Variants in SLC44A2 observed in about 807,000 individuals in gnomAD.
SLC44A2 encodes the protein solute carrier family 44 member 2 (CTL2 blood group).
Under a neutral mutation model 90.8 loss-of-function variants are expected in SLC44A2, and 57 were observed. The observed-to-expected ratio is 0.63, with a 90% CI of 0.51 to 0.78. SLC44A2 has a LOEUF of 0.78. Among genes scored for constraint, SLC44A2 ranks in the 30% least tolerant of loss-of-function variants. SLC44A2 has a pLI of 0.00. For synonymous variants in SLC44A2, 355 were observed against 360.7 expected, an observed-to-expected ratio of 0.98 and a Z score of 0.18; for missense variants, 794 against 919.7, an observed-to-expected ratio of 0.86 and a Z score of 1.77.
chr19:10,610,733 G>A (rs1329193404), intron 1 of SLC44A2, among the ~76,000 whole-genome samples: 1 of 140,180 alleles, frequency 7.1e-6, no homozygotes, highest in East Asian at 2.2e-4. Context: ...TTTGCCTCCC[G>A]GGTTCAAGTG....
chr19:10,631,347 T>C lies in SLC44A2; in HGVS notation c.403T>C (p.Tyr135His), dbSNP rs1192528269. The C allele has an allele frequency of 6.2e-6, 10 of 1,614,190 alleles. No homozygotes were observed. Among genetic ancestry groups the C allele is most frequent in the Middle Eastern group, 3.3e-4 (2 of 6,062 alleles). ...TCGCAGCTCCCGGGACTTTGAGTAC[T>C]ATAAGCAGTTCTGTGTTCCTGGCTT... ...NARSSRDFEYYKQFCVPGFKN... is the reference protein window; with the variant it reads ...NARSSRDFEYHKQFCVPGFKN... Residue 135 changes from tyrosine to histidine, a missense_variant, in exon 6 of 22, where the codon TAT (tyrosine) becomes CAT (histidine). By Grantham distance (83) the Tyr-to-His change is moderately conservative. Around this residue, in one of 3 missense-constraint regions of SLC44A2, gnomAD observed 738 missense variants for 841.1 expected, o/e 0.88. Coordinates refer to ENST00000335757, the MANE Select transcript of SLC44A2 (RefSeq NM_020428.4).
At chr19:10,604,623 G>A (rs1295986148) in intron 1 of SLC44A2, among the ~76,000 whole-genome samples, 1 of 152,078 alleles carries the variant, frequency 6.6e-6, no homozygotes, top group East Asian at 1.9e-4. Context: ...TCCTGGCTCT[G>A]ACACTTAGGA....
upstream of SLC44A2, among the ~76,000 whole-genome samples, chr19:10,621,660 C>T (rs529502424): frequency 1.3e-5 from 2 of 151,994 alleles, no homozygotes; most frequent in East Asian, 3.9e-4. Context: ...CTCTTGTTGC[C>T]CAGACTGGAG....
chr19:10,625,373 C>A, upstream of SLC44A2: 1 of 936,778 alleles, frequency 1.1e-6, no homozygotes. Context: ...GCAGGGTTCC[C>A]GGGTGGGGGC....
chr19:10,623,329 G>C (rs2066905806), upstream of SLC44A2, among the ~76,000 whole-genome samples: 1 of 152,050 alleles, frequency 6.6e-6, no homozygotes, highest in Non-Finnish European at 1.5e-5. Flanking sequence ...GATAAGTTGA[G>C]TTAGTGACCA....
chr19:10,603,218 T>A (rs545126200), intron 1 of SLC44A2, among the ~76,000 whole-genome samples: 1 of 152,182 alleles, frequency 6.6e-6, no homozygotes, highest in Non-Finnish European at 1.5e-5. Flanking sequence ...GGCGAACCTC[T>A]TGGGGCGACC....
chr19:10,642,688 C>T (rs1002663031), intron 21 of SLC44A2, among the ~76,000 whole-genome samples: 9 of 152,168 alleles, frequency 5.9e-5, no homozygotes, highest in East Asian at 1.9e-4. Context: ...GGAGCCCGCC[C>T]GCGCTTCGCA....
At chr19:10,618,852 G>C (rs1322005737) in intron 1 of SLC44A2, among the ~76,000 whole-genome samples, 1 of 151,882 alleles carries the variant, frequency 6.6e-6, no homozygotes, top group East Asian at 1.9e-4. Context: ...AGGATTACAG[G>C]CATGAGCCAC....
chr19:10,602,640 C>A, intron 1 of SLC44A2: 1 of 1,198,982 alleles, frequency 8.3e-7, no homozygotes, highest in Non-Finnish European at 1.0e-6. Flanking sequence ...ACATCTGAGA[C>A]CCTAGGCACC....
chr19:10,614,893 C>G lies in SLC44A2; in HGVS notation c.32-11360C>G, dbSNP rs1459803312. On this transcript the variant is annotated intron_variant, in intron 1 of 21. Transcript: ENST00000407327. Reference sequence around the variant, plus strand: ...GGCTGAGGCAGGAGAATCTCTTGAACCCGGGAGGTAGAGGTCACAGTGAGC... The same window carrying G: ...GGCTGAGGCAGGAGAATCTCTTGAAGCCGGGAGGTAGAGGTCACAGTGAGC... 2.0e-5 allele frequency among the ~76,000 whole-genome samples: 3 copies of G among 150,614 alleles called. No individual in the cohort carries two copies. The East Asian group carries it at 5.9e-4, about 29-fold the overall frequency.
At chr19:10,642,575 C>A in intron 21 of SLC44A2, 124 bp downstream of exon 21, 1 of 940,454 alleles carries the variant, frequency 1.1e-6, no homozygotes, top group Non-Finnish European at 1.7e-6. Flanking sequence ...CTTGGCTGTC[C>A]CTCGTCCTGG....
chr19:10,618,624 T>G (rs2066874849), intron 1 of SLC44A2, among the ~76,000 whole-genome samples: 1 of 150,636 alleles, frequency 6.6e-6, no homozygotes, highest in African/African-American at 2.4e-5. Context: ...AGACTACAGG[T>G]GTCTGCCACC....
At chr19:10,611,949 G>T (rs1446846229) in intron 1 of SLC44A2, among the ~76,000 whole-genome samples, 1 of 152,184 alleles carries the variant, frequency 6.6e-6, no homozygotes, top group Non-Finnish European at 1.5e-5. Flanking sequence ...CTTTCCATGT[G>T]AAAGAATCTT....
At position 10,637,764 on chromosome 19, in the gene SLC44A2, C is replaced by A. The variant is rs1371154804; in HGVS notation, c.1695+17C>A. ...TACATCATGGTGAGTGGGCCTGGGA[C>A]CCCCAACCAACCCGCCAGCTCCTGC... On this transcript the variant is annotated intron_variant, in intron 17 of 21. Coordinates refer to ENST00000335757, the MANE Select transcript of SLC44A2 (RefSeq NM_020428.4). 1 of 1,613,188 alleles carries A rather than the reference C, an allele frequency of 6.2e-7. No homozygotes were observed. Among genetic ancestry groups the A allele is most frequent in the South Asian group, 1.1e-5 (1 of 91,062 alleles).
chr19:10,603,537 A>G (rs906227511), intron 1 of SLC44A2, among the ~76,000 whole-genome samples: 4 of 152,206 alleles, frequency 2.6e-5, no homozygotes, highest in Non-Finnish European at 5.9e-5. Context: ...CAAGTTGGGT[A>G]GAGCTGTGCC....
At chr19:10,642,516 T>A (rs2067128072) in intron 21 of SLC44A2, 65 bp downstream of exon 21, 2 of 1,474,078 alleles carry the variant, frequency 1.4e-6, no homozygotes, top group East Asian at 4.5e-5. Context: ...GGGCATCACA[T>A]CACCCTCCAA....
At chr19:10,612,949 C>A (rs142374838) in intron 1 of SLC44A2, among the ~76,000 whole-genome samples, 1 of 152,206 alleles carries the variant, frequency 6.6e-6, no homozygotes, top group Non-Finnish European at 1.5e-5. Context: ...TGGCTGTGCT[C>A]CTCACCAGCT....
chr19:10,634,934 G>GT (rs780791750), intron 11 of SLC44A2, 40 bp from the exon 12 acceptor site: 1 of 1,614,162 alleles, frequency 6.2e-7, no homozygotes, highest in East Asian at 2.2e-5. Context: ...GCCTTGGAGG[G>GT]AGTGGGGAGC....
At chr19:10,606,680 G>A (rs905333147) in intron 1 of SLC44A2, among the ~76,000 whole-genome samples, 24 of 151,082 alleles carry the variant, frequency 1.6e-4, no homozygotes, top group African/African-American at 5.3e-4. Flanking sequence ...GAATAGTGAC[G>A]TGCACCTGTA....
Sources: allele counts gnomAD v4.1 joint callset (sites outside exome capture counted in the v4.1 genomes callset), GRCh38; gene constraint gnomAD v4.1.1; regional missense constraint gnomAD v4.1.1; transcripts MANE v1.5; gene names NCBI Gene and HGNC (gene_info 2026-07-23, HGNC 2026-07-21).